The following PACC1 variants were observed in gnomAD, a reference collection of about 807,000 sequenced individuals.
PACC1 encodes proton-activated chloride channel.
A neutral mutation model predicts 39.7 loss-of-function variants in PACC1; 34 were observed. The ratio of observed to expected loss-of-function variants is 0.86; its 90% CI spans 0.65 to 1.14. PACC1 has a LOEUF of 1.14. PACC1 is among the 50% of genes most tolerant of loss of function. The pLI, the probability that PACC1 is intolerant of heterozygous loss-of-function variation, is 0.00. For synonymous variants in PACC1, 127 were observed against 160.6 expected, an observed-to-expected ratio of 0.79 and a Z score of 1.58; for missense variants, 379 against 436.4, an observed-to-expected ratio of 0.87 and a Z score of 1.17.
rs559885710 is a variant in PACC1 at position 212,392,870 on chromosome 1, C to G, written c.134-5770G>C. ...TTACATAATGGTAAAGGGATCAATTCAACAAGAAGAGCTAACTATCCTAAA... is the reference window on the plus strand; with the variant it reads ...TTACATAATGGTAAAGGGATCAATTGAACAAGAAGAGCTAACTATCCTAAA... On this transcript the variant is annotated intron_variant, in intron 2 of 7. Transcript: ENST00000261455. 3.8e-3 allele frequency among the ~76,000 whole-genome samples: 572 copies of G among 151,652 alleles called. 3 individuals carry two copies. The highest frequency in any genetic ancestry group is 0.013 in the African/African-American group (544 of 41,288).
At chr1:212,365,740 G>C (rs986530726) in intron 7 of PACC1, among the ~76,000 whole-genome samples, 1 of 152,118 alleles carries the variant, frequency 6.6e-6, no homozygotes, top group Non-Finnish European at 1.5e-5. Flanking sequence ...CTCAGTTTGA[G>C]GAGAAAAATA....
Position 212,378,978 on chromosome 1 carries a change from C to G in PACC1, c.638+917G>C, listed in dbSNP as rs978913104. Among the ~76,000 whole-genome samples the G allele has an allele frequency of 2.7e-5, 4 of 147,608 alleles. No homozygotes were observed. In the Admixed American group the frequency reaches 2.7e-4, roughly 10 times the overall value. ...TTTTTTTTTTTTTTGGAGTCTCGCT[C>G]TGTTGCCCAGGCTGGAGTGCAGTGG... On this transcript the variant is annotated intron_variant, in intron 5 of 7. Transcript: ENST00000261455.
rs562084190 is a variant in PACC1, at chr1:212,381,190, G to GTTT, written c.496-1156_496-1154dup. On this transcript the variant is annotated intron_variant, in intron 4 of 7. Coordinates refer to ENST00000261455, the MANE Select transcript of PACC1 (RefSeq NM_018252.3). ...TGATGGTATTTTTTACTTCTAACGG[G>GTTT]TTTTGCTTAAAATATATAAATGTCA... 3.5e-4 allele frequency among the ~76,000 whole-genome samples: 53 copies of GTTT among 152,274 alleles called. No homozygotes were observed. In the South Asian group the frequency reaches 7.5e-3, roughly 21 times the overall value.
chr1:212,393,323 C>T (rs1377976566), intron 2 of PACC1, among the ~76,000 whole-genome samples: 2 of 152,196 alleles, frequency 1.3e-5, no homozygotes, highest in Admixed American at 6.5e-5. Flanking sequence ...GAACAACCTG[C>T]TCCTGAATGA....
At chr1:212,411,992 T>C (rs528630709) in intron 1 of PACC1, among the ~76,000 whole-genome samples, 3 of 151,962 alleles carry the variant, frequency 2.0e-5, no homozygotes, top group Non-Finnish European at 4.4e-5. Flanking sequence ...AATACAAAAA[T>C]TAGCCGGGCA....
intron 2 of PACC1, among the ~76,000 whole-genome samples, chr1:212,394,191 A>T (rs2102515730): frequency 6.6e-6 from 1 of 152,354 alleles, no homozygotes; most frequent in South Asian, 2.1e-4. Flanking sequence ...ATCCTCAATA[A>T]AACACTGGCA....
chr1:212,381,106 A>G (rs1386271688), intron 4 of PACC1, among the ~76,000 whole-genome samples: 1 of 152,158 alleles, frequency 6.6e-6, no homozygotes, highest in Non-Finnish European at 1.5e-5. Context: ...TATCCTTTCT[A>G]GTTTTTGTCT....
chr1:212,383,760 C>A (rs766976109), intron 4 of PACC1, among the ~76,000 whole-genome samples: 8 of 152,224 alleles, frequency 5.3e-5, no homozygotes, highest in African/African-American at 1.9e-4. Flanking sequence ...TGGAAGCACA[C>A]TGAGTTTTCC....
chr1:212,395,486 AG>A (rs1391416240), intron 2 of PACC1, among the ~76,000 whole-genome samples: 10 of 152,342 alleles, frequency 6.6e-5, no homozygotes, highest in African/African-American at 2.4e-4. Flanking sequence ...TAAAAACCCT[AG>A]AAGAAAACCT....
At position 212,377,592 on chromosome 1, in the gene PACC1, ATCC is replaced by A. The variant is rs1660712316; in HGVS notation, c.750_752del (p.Glu250del). ...GCCGGAACTCCACTGCTTCCCGCCC[ATCC>A]TCCTCCTTGGTCTTTACCAGTGACA... On this transcript the variant is annotated inframe_deletion, in exon 6 of 8. Transcript: ENST00000261455. 1.2e-6 allele frequency: 2 copies of A among 1,614,070 alleles called. No individual in the cohort carries two copies. The highest frequency in any genetic ancestry group is 1.7e-6 in the Non-Finnish European group (2 of 1,179,984).
At chr1:212,403,844 C>T (rs942652385) in intron 2 of PACC1, among the ~76,000 whole-genome samples, 3 of 152,086 alleles carry the variant, frequency 2.0e-5, no homozygotes, top group African/African-American at 4.8e-5. Context: ...GGATTACAGG[C>T]GTGCCACCAC....
At chr1:212,380,841 G>T (rs949198416) in intron 4 of PACC1, among the ~76,000 whole-genome samples, 1 of 152,118 alleles carries the variant, frequency 6.6e-6, no homozygotes, top group Non-Finnish European at 1.5e-5. Flanking sequence ...GGTTATTTTT[G>T]AACGTGTTCT....
At chr1:212,374,760 T>G (rs1660585805) in intron 7 of PACC1, among the ~76,000 whole-genome samples, 1 of 152,212 alleles carries the variant, frequency 6.6e-6, no homozygotes, top group Non-Finnish European at 1.5e-5. Context: ...ACAAGTAGTA[T>G]TTATCCTACA....
Position 212,364,958 on chromosome 1 carries a change from T to C in PACC1, c.*257A>G, listed in dbSNP as rs1257605791. 4 of 234,416 alleles carry C rather than the reference T, an allele frequency of 1.7e-5. No individual in the cohort carries two copies. The highest frequency in any genetic ancestry group is 3.2e-5 in the Non-Finnish European group (4 of 123,846). The allele number at this position is 234,416 out of a possible 1,614,324, so 14.5% of individuals were successfully genotyped here. A position where few individuals can be genotyped will look rare whatever the true frequency, so the allele number is the denominator to read the frequency against. ...TTCTACAAACCCTATTCAAAAGTCA[T>C]TGGCCAGCTCTTTAAAAAGTTTATT... On this transcript the variant is annotated 3_prime_UTR_variant, in exon 8 of 8. Transcript: ENST00000261455.
At chr1:212,375,081 A>G in intron 7 of PACC1, 112 bp downstream of exon 7, 1 of 796,100 alleles carries the variant, frequency 1.3e-6, no homozygotes, top group Non-Finnish European at 2.0e-6. Context: ...GTCTACAAGA[A>G]TGAGCCAAAA....
chr1:212,383,193 C>T (rs569193214), intron 4 of PACC1, among the ~76,000 whole-genome samples: 21 of 152,338 alleles, frequency 1.4e-4, no homozygotes, highest in African/African-American at 4.8e-4. Context: ...CATTCAACTT[C>T]ATTTCCATAA....
At chr1:212,367,027 G>A (rs965081559) in intron 7 of PACC1, among the ~76,000 whole-genome samples, 1 of 152,160 alleles carries the variant, frequency 6.6e-6, no homozygotes, top group African/African-American at 2.4e-5. Flanking sequence ...TGGCTCTGGT[G>A]GACGGTGTGT....
chr1:212,397,559 C>A, intron 2 of PACC1, among the ~76,000 whole-genome samples: 1 of 152,182 alleles, frequency 6.6e-6, no homozygotes, highest in East Asian at 1.9e-4. Flanking sequence ...GGAAATAATT[C>A]ATTCTTTACT....
intron 2 of PACC1, among the ~76,000 whole-genome samples, chr1:212,392,556 A>C (rs1402029985): frequency 6.6e-6 from 1 of 152,230 alleles, no homozygotes; most frequent in African/African-American, 2.4e-5. Context: ...TAACCAGCTA[A>C]CATCATAATG....
Sources: allele counts gnomAD v4.1 joint callset (sites outside exome capture counted in the v4.1 genomes callset), GRCh38; gene constraint gnomAD v4.1.1; transcripts MANE v1.5; gene names NCBI Gene and HGNC (gene_info 2026-07-23, HGNC 2026-07-21).